The following C3orf20 variants were observed in gnomAD, a reference collection of about 807,000 sequenced individuals.
C3orf20 encodes family with sequence similarity 149 member C, also known as uncharacterized protein C3orf20.
Under a neutral mutation model 88.3 loss-of-function variants are expected in C3orf20, and 76 were observed. The ratio of observed to expected loss-of-function variants is 0.86; its 90% CI spans 0.72 to 1.04. The LOEUF (loss-of-function observed/expected upper bound fraction) is 1.04. Among genes scored for constraint, C3orf20 ranks in the 50% least tolerant of loss-of-function variants. The pLI is 0.00. For synonymous variants in C3orf20, 436 were observed against 437.4 expected, an observed-to-expected ratio of 1.00 and a Z score of 0.04; for missense variants, 1,056 against 1,123.3, an observed-to-expected ratio of 0.94 and a Z score of 0.86.
chr3:14,714,142 C>T lies in C3orf20; in HGVS notation c.1296C>T (p.His432=). ...ATACTGAAGGCCAGGGCTGTGTTCA[C>T]TACAACCTAAAAACCAGGTAAGTGG... is the stretch of plus-strand genomic sequence containing the variant. The part of the protein sequence containing the change: ...LFNTEGQGCV[H]YNLKTSCPYV... The change falls in exon 8 of 17, where the codon CAC becomes CAT. Residue 432 remains histidine, a synonymous_variant. Transcript: ENST00000253697. 6.2e-7 allele frequency: 1 copy of T among 1,613,910 alleles called. No individual in the cohort carries two copies. The highest frequency in any genetic ancestry group is 8.5e-7 in the Non-Finnish European group (1 of 1,179,986).
At chr3:14,747,981 CT>C (rs1449713281) in intron 12 of C3orf20, among the ~76,000 whole-genome samples, 1 of 151,888 alleles carries the variant, frequency 6.6e-6, no homozygotes, top group African/African-American at 2.4e-5. Context: ...CTTTGTCTGG[CT>C]TTGGTATCAG....
chr3:14,768,022 T>A lies in C3orf20; in HGVS notation c.2496-4045T>A, dbSNP rs1282099894. ...AGACAGAGCGCTACAGAAACACCAATGTGAGCCTCAAGAGGCTTTGTATCC... is the reference window on the plus strand; with the variant it reads ...AGACAGAGCGCTACAGAAACACCAAAGTGAGCCTCAAGAGGCTTTGTATCC... On this transcript the variant is annotated intron_variant, in intron 15 of 16. Coordinates refer to ENST00000253697, the MANE Select transcript of C3orf20 (RefSeq NM_032137.5). This position sits in a 1 kb window ranked among gnomAD's most constrained non-coding sequence, Gnocchi z 4.1. 6.6e-6 allele frequency among the ~76,000 whole-genome samples: 1 copy of A among 152,146 alleles called. No individual in the cohort carries two copies. Among genetic ancestry groups the A allele is most frequent in the Non-Finnish European group, 1.5e-5 (1 of 68,026 alleles).
chr3:14,757,570 G>C lies in C3orf20; in HGVS notation c.2140G>C (p.Gly714Arg), dbSNP rs2035413243. The C allele has an allele frequency of 1.9e-6, 3 of 1,613,922 alleles. No individual in the cohort carries two copies. Among genetic ancestry groups the C allele is most frequent in the South Asian group, 2.2e-5 (2 of 91,086 alleles). Residue 714 changes from glycine to arginine, a missense_variant, in exon 13 of 17, where the codon GGG (glycine) becomes CGG (arginine). Physicochemically the swap from Gly to Arg is moderately radical, Grantham distance 125 (BLOSUM62 -2). Transcript: ENST00000253697. ...PRDPSQVLVF[G>R]IISSQNYTST... is the part of the protein sequence containing the mutation. ...AGACCCCAGCCAAGTGCTGGTGTTT[G>C]GGATCATCTCAAGCCAGAACTACAC...
At chr3:14,711,621 T>C in intron 7 of C3orf20, among the ~76,000 whole-genome samples, 1 of 145,668 alleles carries the variant, frequency 6.9e-6, no homozygotes, top group South Asian at 2.3e-4. Flanking sequence ...AAATTTATCC[T>C]GCCAGCTTTT....
Position 14,757,664 on chromosome 3 carries a change from C to A in C3orf20, c.2234C>A (p.Pro745His). The change falls in exon 13 of 17, where the codon CCC becomes CAC. Residue 745 changes from proline to histidine, a missense_variant. By Grantham distance (77) the Pro-to-His change is moderately conservative. Transcript: ENST00000253697. ...YNHQQRGRGS[P>H]CIQCRYDSYR... is the part of the protein sequence containing the mutation. The stretch of plus-strand genomic sequence containing the variant: ...CACCAGCAGCGGGGCCGTGGCTCCC[C>A]CTGCATCCAGGTTGGTCTGGGCCCA... 1 of 1,610,020 alleles carries A rather than the reference C, an allele frequency of 6.2e-7. No homozygotes were observed. The highest frequency in any genetic ancestry group is 1.1e-5 in the South Asian group (1 of 90,908).
At chr3:14,692,899 T>G (rs1407727158) in intron 5 of C3orf20, among the ~76,000 whole-genome samples, 4 of 152,214 alleles carry the variant, frequency 2.6e-5, no homozygotes, top group Non-Finnish European at 5.9e-5. Flanking sequence ...ATTTTGATTT[T>G]ATTTTTGTGT....
intron 3 of C3orf20, among the ~76,000 whole-genome samples, chr3:14,683,654 G>A (rs1275380076): frequency 6.6e-6 from 1 of 152,012 alleles, no homozygotes; most frequent in Non-Finnish European, 1.5e-5. Context: ...GAGGCAGGAT[G>A]ATCACAAGGT....
In C3orf20 at chr3:14,715,360, AG is replaced by A. The variant is rs1460609080; in HGVS notation, c.1386del (p.Lys462AsnfsTer18). 6.2e-7 allele frequency: 1 copy of A among 1,612,496 alleles called. No homozygotes were observed. Among genetic ancestry groups the A allele is most frequent in the Non-Finnish European group, 8.5e-7 (1 of 1,179,858 alleles). ...TNDQQGYVVHKWSWTSRTETL... is the reference protein window; with the variant it reads ...TNDQQGYVVHXWSWTSRTETL... ...GACCAGCAGGGCTATGTAGTCCACA[AG>A]TGGAGCTGGACTTCCAGGACAGAGA... On this transcript the variant is annotated frameshift_variant, in exon 9 of 17. Coordinates refer to ENST00000253697, the MANE Select transcript of C3orf20 (RefSeq NM_032137.5). LOFTEE classifies it high-confidence loss of function.
chr3:14,697,804 C>T (rs2124923599), intron 5 of C3orf20, among the ~76,000 whole-genome samples: 1 of 145,724 alleles, frequency 6.9e-6, no homozygotes, highest in African/African-American at 2.5e-5. Context: ...TGAGAACATG[C>T]AGTGTTTGGT....
intron 12 of C3orf20, among the ~76,000 whole-genome samples, chr3:14,749,597 A>G (rs1262237571): frequency 6.6e-6 from 1 of 152,202 alleles, no homozygotes; most frequent in Non-Finnish European, 1.5e-5. Context: ...TGTTTAAAGT[A>G]ATTACTGACT....
Position 14,703,251 on chromosome 3 carries a change from G to A in C3orf20, c.867G>A (p.Leu289=). ...CPEAREKLQE[L]CRHIEAERAT... is the part of the protein sequence containing the mutation. ...AGGCCCGGGAGAAGCTGCAGGAGTT[G>A]TGTCGCCACATGTGAGCACCTCAGT... The change falls in exon 6 of 17, where the codon TTG becomes TTA. Residue 289 remains leucine (L), a synonymous_variant. Transcript: ENST00000253697. 1 of 1,614,128 alleles carries A rather than the reference G, an allele frequency of 6.2e-7. No individual in the cohort carries two copies. The highest frequency in any genetic ancestry group is 8.5e-7 in the Non-Finnish European group (1 of 1,180,032).
At chr3:14,716,185 T>TG (rs1356950447) in intron 9 of C3orf20, among the ~76,000 whole-genome samples, 3 of 152,168 alleles carry the variant, frequency 2.0e-5, no homozygotes, top group African/African-American at 7.2e-5. Flanking sequence ...ATGTAGCCTC[T>TG]GGGGGGCAAA....
chr3:14,722,024 GA>G, intron 10 of C3orf20: 2 of 475,666 alleles, frequency 4.2e-6, no homozygotes, highest in Non-Finnish European at 7.5e-6. Context: ...GCTTAAGCAT[GA>G]AAAAAGAATA....
At chr3:14,771,131 C>T (rs1040854974) in intron 15 of C3orf20, among the ~76,000 whole-genome samples, 2 of 152,172 alleles carry the variant, frequency 1.3e-5, no homozygotes, top group Non-Finnish European at 2.9e-5. Flanking sequence ...GGATTAGTGC[C>T]CTTATAAAAG....
At chr3:14,738,815 G>GTTTTTTT (rs71038433) in intron 12 of C3orf20, among the ~76,000 whole-genome samples, 7 of 97,786 alleles carry the variant, frequency 7.2e-5, no homozygotes, top group African/African-American at 1.4e-4. Flanking sequence ...TAATTTTTTT[G>GTTTTTTT]TTTTTTTTTT....
chr3:14,760,128 C>A, intron 14 of C3orf20, 130 bp downstream of exon 14: 1 of 732,110 alleles, frequency 1.4e-6, no homozygotes, highest in Non-Finnish European at 2.4e-6. Context: ...ATTATCTCCC[C>A]ACCGTGGCTG....
At chr3:14,684,157 T>G in intron 3 of C3orf20, 85 bp from the exon 4 acceptor site, 1 of 1,560,344 alleles carries the variant, frequency 6.4e-7, no homozygotes, top group South Asian at 1.2e-5. Context: ...TACCCTTCTT[T>G]CCTGGGCCAT....
At chr3:14,756,015 C>G (rs1474544696) in intron 12 of C3orf20, among the ~76,000 whole-genome samples, 1 of 112,218 alleles carries the variant, frequency 8.9e-6, no homozygotes, top group Non-Finnish European at 1.7e-5. Context: ...GGTGACAGAG[C>G]GAGACTCCAT....
At chr3:14,695,174 T>G (rs1170879186) in intron 5 of C3orf20, among the ~76,000 whole-genome samples, 1 of 152,204 alleles carries the variant, frequency 6.6e-6, no homozygotes, top group African/African-American at 2.4e-5. Flanking sequence ...CCCACAGGTT[T>G]TGGTATGTTG....
Sources: allele counts gnomAD v4.1 joint callset (sites outside exome capture counted in the v4.1 genomes callset), GRCh38; gene constraint gnomAD v4.1.1; non-coding constraint Gnocchi (gnomAD v3.1); transcripts MANE v1.5; gene names NCBI Gene and HGNC (gene_info 2026-07-23, HGNC 2026-07-21).